Variants in SQOR observed in about 807,000 individuals in gnomAD.
SQOR encodes sulfide quinone oxidoreductase, also known as sulfide:quinone oxidoreductase, mitochondrial.
SQOR carries 39 observed loss-of-function variants against 48.6 expected under a neutral mutation model. The ratio of observed to expected loss-of-function variants is 0.80; its 90% CI spans 0.62 to 1.05. The LOEUF (loss-of-function observed/expected upper bound fraction) is 1.05, where lower values mean the gene tolerates loss of function less well. Ranked by LOEUF, SQOR falls within the 50% of genes least tolerant of loss-of-function variation. The pLI is 0.00. For missense variants in SQOR, 561 were observed against 559.9 expected, an observed-to-expected ratio of 1.00 and a Z score of -0.02; for synonymous variants, 220 against 206.2, an observed-to-expected ratio of 1.07 and a Z score of -0.57.
intron 1 of SQOR, among the ~76,000 whole-genome samples, chr15:45,636,919 C>T (rs1462241122): frequency 6.6e-6 from 1 of 151,924 alleles, no homozygotes; most frequent in African/African-American, 2.4e-5. Context: ...AGAAAGGGCA[C>T]TGACCCAATG....
chr15:45,656,440 C>T (rs1297299434), intron 1 of SQOR, among the ~76,000 whole-genome samples: 1 of 151,450 alleles, frequency 6.6e-6, no homozygotes, highest in Non-Finnish European at 1.5e-5. Context: ...GCTGGGTGCA[C>T]CACCATGCCT....
rs1240763049 is a variant in SQOR, at chr15:45,673,607, A to T, written c.460A>T (p.Ile154Phe). 1 of 1,612,208 alleles carries T rather than the reference A, an allele frequency of 6.2e-7. No homozygotes were observed. The highest frequency in any genetic ancestry group is 2.2e-5 in the East Asian group (1 of 44,850). Residue 154 changes from isoleucine to phenylalanine, a missense_variant and splice_region_variant, in exon 5 of 10, where the codon ATT (isoleucine) becomes TTT (phenylalanine). Transcript: ENST00000260324. ...ALGIQLDYEK[I>F]KGLPEGFAHP... is the part of the protein sequence containing the mutation. ...ATAATTTTTGTGTACTTTGTTGCAG[A>T]TTAAAGGCCTACCTGAAGGTTTCGC... is the stretch of plus-strand genomic sequence containing the variant.
chr15:45,652,821 C>T (rs2140943997), intron 1 of SQOR, among the ~76,000 whole-genome samples: 1 of 151,466 alleles, frequency 6.6e-6, no homozygotes, highest in Admixed American at 6.6e-5. Flanking sequence ...ATAATACAAA[C>T]TTAGGTAGGT....
Position 45,691,199 on chromosome 15 carries a change from G to A in SQOR, c.*169G>A. The A allele has an allele frequency of 1.6e-6, 1 of 619,352 alleles. No individual in the cohort carries two copies. Among genetic ancestry groups the A allele is most frequent in the South Asian group, 2.1e-5 (1 of 48,074 alleles). 38.4% of individuals were successfully genotyped at this position (619,352 alleles called of 1,614,324 possible). On this transcript the variant is annotated 3_prime_UTR_variant, in exon 10 of 10. Transcript: ENST00000260324. Reference sequence around the variant, plus strand: ...CAGTACCTTTGAACAGCAACCATGTGGGCTACTCATGATGGGCTTGATTCT... The same window carrying A: ...CAGTACCTTTGAACAGCAACCATGTAGGCTACTCATGATGGGCTTGATTCT...
intron 3 of SQOR, among the ~76,000 whole-genome samples, chr15:45,667,613 T>A (rs2140952867): frequency 6.6e-6 from 1 of 152,302 alleles, no homozygotes; most frequent in African/African-American, 2.4e-5. Context: ...GAGGGTTTAT[T>A]CTCTCTTAAT....
chr15:45,688,365 A>G lies in SQOR; in HGVS notation c.1077A>G (p.Thr359=). Residue 359 remains threonine, a synonymous_variant, in exon 8 of 10, where the codon ACA becomes ACG. Transcript: ENST00000260324. ...CCCAGTCAGGAATACTTGATAGGACAATTTCTGTAATTATGAAGAATCAAA... is the reference window on the plus strand; with the variant it reads ...CCCAGTCAGGAATACTTGATAGGACGATTTCTGTAATTATGAAGAATCAAA... ...VAAQSGILDR[T]ISVIMKNQTP... is the part of the protein sequence containing the mutation. The G allele has an allele frequency of 6.2e-7, 1 of 1,607,894 alleles. No individual in the cohort carries two copies. The highest frequency in any genetic ancestry group is 8.5e-7 in the Non-Finnish European group (1 of 1,178,406).
chr15:45,648,886 T>C (rs1435355303), intron 1 of SQOR, among the ~76,000 whole-genome samples: 2 of 152,256 alleles, frequency 1.3e-5, no homozygotes, highest in African/African-American at 4.8e-5. Flanking sequence ...GTTGGCCCTG[T>C]GGTTATTGAA....
intron 1 of SQOR, among the ~76,000 whole-genome samples, chr15:45,656,482 G>A (rs1377313225): frequency 6.6e-6 from 1 of 151,442 alleles, no homozygotes; most frequent in African/African-American, 2.4e-5. Context: ...AATAGAGTTG[G>A]GGTTTCCCCA....
chr15:45,633,630 G>A (rs1010944843), upstream of SQOR, among the ~76,000 whole-genome samples: 3 of 149,652 alleles, frequency 2.0e-5, no homozygotes, highest in East Asian at 2.0e-4. Flanking sequence ...GGAGGTGGAC[G>A]TTGTAGTGAG....
intron 1 of SQOR, among the ~76,000 whole-genome samples, chr15:45,651,003 C>T (rs1010788740): frequency 6.6e-5 from 10 of 152,294 alleles, no homozygotes; most frequent in East Asian, 1.9e-4. Context: ...GGTCCCGCAC[C>T]GCGCACCTGC....
chr15:45,641,048 C>T (rs1337685788), intron 1 of SQOR, among the ~76,000 whole-genome samples: 2 of 152,100 alleles, frequency 1.3e-5, no homozygotes, highest in African/African-American at 4.8e-5. Context: ...TTTTTTTCCC[C>T]CTATATAATT....
chr15:45,634,753 C>T (rs1035755509), upstream of SQOR: 5 of 152,348 alleles, frequency 3.3e-5, no homozygotes, highest in African/African-American at 1.2e-4. Flanking sequence ...GTCAGGTGGC[C>T]TCGGTGTCCT....
intron 1 of SQOR, among the ~76,000 whole-genome samples, chr15:45,650,636 T>G (rs1889466614): frequency 6.6e-6 from 1 of 152,170 alleles, no homozygotes; most frequent in Non-Finnish European, 1.5e-5. Flanking sequence ...CACATCCTGC[T>G]GATTGGTCCA....
intron 1 of SQOR, among the ~76,000 whole-genome samples, chr15:45,654,928 A>G (rs1182802862): frequency 6.6e-6 from 1 of 152,112 alleles, no homozygotes; most frequent in African/African-American, 2.4e-5. Flanking sequence ...TATTATGCAA[A>G]TGAACTTTCC....
rs1890053788 is a variant in SQOR at position 45,677,212 on chromosome 15, TTCTTTCTC to T, written c.864+910_864+917del. The stretch of plus-strand genomic sequence containing the variant: ...TTCCTTCCTTCCTTCTTTCCTTTCT[TTCTTTCTC>T]TCTTTCTTCTATCTGCCTTTGTCTA... On this transcript the variant is annotated intron_variant, in intron 6 of 9. Transcript: ENST00000260324. 2.0e-5 allele frequency among the ~76,000 whole-genome samples: 3 copies of T among 152,166 alleles called. No individual in the cohort carries two copies. The South Asian group carries it at 6.2e-4, about 31-fold the overall frequency.
chr15:45,641,278 G>A (rs1003126771), intron 1 of SQOR, among the ~76,000 whole-genome samples: 10 of 152,130 alleles, frequency 6.6e-5, no homozygotes, highest in Non-Finnish European at 1.3e-4. Context: ...AATTTCTCAG[G>A]AGCAAAGGGA....
At chr15:45,651,099 C>T (rs1223567958) in intron 1 of SQOR, among the ~76,000 whole-genome samples, 2 of 152,194 alleles carry the variant, frequency 1.3e-5, no homozygotes, top group East Asian at 1.9e-4. Flanking sequence ...CGTGTGGGAG[C>T]CCACCGCTGG....
chr15:45,686,215 G>T (rs1454953928), intron 7 of SQOR, among the ~76,000 whole-genome samples: 1 of 151,904 alleles, frequency 6.6e-6, no homozygotes, highest in Admixed American at 6.6e-5. Flanking sequence ...GCAGTGGCAC[G>T]ATCTTGGCTC....
In SQOR at chr15:45,669,985, C is replaced by A; in HGVS notation, c.459+4C>A. 1 of 1,613,714 alleles carries A rather than the reference C, an allele frequency of 6.2e-7. No individual in the cohort carries two copies. Among genetic ancestry groups the A allele is most frequent in the Non-Finnish European group, 8.5e-7 (1 of 1,179,692 alleles). On this transcript the variant is annotated splice_donor_region_variant and intron_variant, in intron 4 of 9. Coordinates refer to ENST00000260324, the MANE Select transcript of SQOR (RefSeq NM_021199.4). The stretch of plus-strand genomic sequence containing the variant: ...AATCCAGCTGGACTATGAGAAGGTA[C>A]CGTGTGAAACTGTTTCTGTGTTACG...
Sources: gnomAD v4.1 joint callset for allele counts (sites outside exome capture counted in the v4.1 genomes callset) on GRCh38, gnomAD v4.1.1 for gene constraint, MANE v1.5 for transcripts, NCBI Gene and HGNC (gene_info 2026-07-23, HGNC 2026-07-21) for gene names.